Variants in MAP3K5 observed in about 807,000 individuals in gnomAD.
The protein encoded by MAP3K5 is ASK-1.
In MAP3K5, 56 loss-of-function variants were observed where a neutral mutation model predicts 158.7. The ratio of observed to expected loss-of-function variants is 0.35; its 90% CI spans 0.28 to 0.44. MAP3K5 has a LOEUF of 0.44. Among genes scored for constraint, MAP3K5 ranks in the 20% least tolerant of loss-of-function variants. The pLI is 1.00. For missense variants in MAP3K5, 1,294 were observed against 1,674.8 expected (o/e 0.77, Z 3.97); for synonymous variants, 579 against 601.7 (o/e 0.96, Z 0.55).
At chr6:136,776,657 C>T (rs966476301) in intron 1 of MAP3K5, among the ~76,000 whole-genome samples, 1 of 152,206 alleles carries the variant, frequency 6.6e-6, no homozygotes, top group Non-Finnish European at 1.5e-5. Flanking sequence ...TAAGCTCAAA[C>T]CTCCAACACC....
In MAP3K5 at chr6:136,791,845, G is replaced by A. The variant is rs1785089950; in HGVS notation, c.313C>T (p.Leu105=). The part of the protein sequence containing the change: ...YVINEASQGQ[L]VVAESEALQS... ...AGGGCCTCGCTCTCGGCCACCACCAGTTGCCCTTGGCTCGCTTCGTTGATC... is the reference window on the plus strand; with the variant it reads ...AGGGCCTCGCTCTCGGCCACCACCAATTGCCCTTGGCTCGCTTCGTTGATC... The change falls in exon 1 of 30, where the codon CTG becomes TTG. Residue 105 remains leucine, a synonymous_variant. Transcript: ENST00000359015. The A allele has an allele frequency of 3.7e-6, 6 of 1,613,884 alleles. No individual in the cohort carries two copies. Among genetic ancestry groups the A allele is most frequent in the Non-Finnish European group, 5.1e-6 (6 of 1,180,016 alleles).
In MAP3K5 at chr6:136,676,627, T is replaced by C. The variant is rs116004779; in HGVS notation, c.1254-7232A>G. ...GGAGAGTTTAACTTCCTCTGAAGAA[T>C]TGGTATATGATTTTTTTTTTCATTC... On this transcript the variant is annotated intron_variant, in intron 7 of 29. Coordinates refer to ENST00000359015, the MANE Select transcript of MAP3K5 (RefSeq NM_005923.4). 4.3e-3 allele frequency among the ~76,000 whole-genome samples: 656 copies of C among 152,214 alleles called. 2 individuals carry two copies. Among genetic ancestry groups the C allele is most frequent in the African/African-American group, 0.014 (572 of 41,536 alleles).
intron 1 of MAP3K5, among the ~76,000 whole-genome samples, chr6:136,746,136 A>C (rs1200529759): frequency 2.0e-5 from 3 of 152,182 alleles, no homozygotes; most frequent in Non-Finnish European, 4.4e-5. Flanking sequence ...TAATATCTTA[A>C]CTCTTGACTT....
chr6:136,595,630 T>C (rs1298872026), intron 21 of MAP3K5, among the ~76,000 whole-genome samples: 2 of 152,238 alleles, frequency 1.3e-5, no homozygotes, highest in Non-Finnish European at 2.9e-5. Flanking sequence ...ATCGTACTTA[T>C]ATTCTAAGAT....
At chr6:136,689,822 A>G (rs1190718027) in intron 7 of MAP3K5, among the ~76,000 whole-genome samples, 1 of 152,130 alleles carries the variant, frequency 6.6e-6, no homozygotes, top group East Asian at 1.9e-4. Context: ...AGTCTCTTGT[A>G]TTCTGTTTTG....
chr6:136,671,550 T>C (rs1248294967), intron 7 of MAP3K5, among the ~76,000 whole-genome samples: 1 of 152,214 alleles, frequency 6.6e-6, no homozygotes, highest in African/African-American at 2.4e-5. Context: ...TCTCCCATAC[T>C]GTAAAAGCAA....
intron 12 of MAP3K5, among the ~76,000 whole-genome samples, 200 bp downstream of exon 12, chr6:136,642,320 A>G (rs1319623090): frequency 3.3e-5 from 5 of 152,200 alleles, no homozygotes; most frequent in Non-Finnish European, 5.9e-5. Flanking sequence ...GCACAGAATC[A>G]GTTCAACCAG....
intron 1 of MAP3K5, among the ~76,000 whole-genome samples, chr6:136,738,785 C>T (rs1184797946): frequency 6.6e-6 from 1 of 152,160 alleles, no homozygotes; most frequent in African/African-American, 2.4e-5. Context: ...GAACAGACGG[C>T]TGATGGCCTA....
chr6:136,724,910 C>T (rs1158760409), intron 1 of MAP3K5, among the ~76,000 whole-genome samples: 2 of 152,190 alleles, frequency 1.3e-5, no homozygotes, highest in Admixed American at 1.3e-4. Flanking sequence ...AAATCTCCCT[C>T]ATGCTGCCCT....
At chr6:136,576,595 C>T (rs1424260687) in intron 25 of MAP3K5, among the ~76,000 whole-genome samples, 2 of 152,150 alleles carry the variant, frequency 1.3e-5, no homozygotes, top group Non-Finnish European at 2.9e-5. Context: ...GGGTGAGACA[C>T]CATGCCCAAC....
rs1253429192 is a variant in MAP3K5 at position 136,625,128 on chromosome 6, C to T, written c.2017-2147G>A. ...GATTTTCAGTTTCATTAATCTAGGG[C>T]GGGAATTTGTCTGCTTTTTTTTTGG... On this transcript the variant is annotated intron_variant, in intron 14 of 29. Coordinates refer to ENST00000359015, the MANE Select transcript of MAP3K5 (RefSeq NM_005923.4). 8.6e-5 allele frequency among the ~76,000 whole-genome samples: 13 copies of T among 151,954 alleles called. No homozygotes were observed. In the East Asian group the frequency reaches 1.2e-3, roughly 14 times the overall value.
At chr6:136,698,408 G>T in intron 4 of MAP3K5, 81 bp downstream of exon 4, 3 of 1,185,690 alleles carry the variant, frequency 2.5e-6, no homozygotes, top group Non-Finnish European at 3.6e-6. Flanking sequence ...TATCTCAGGA[G>T]CACCTGATAT....
At chr6:136,629,820 C>CTCTG (rs1777246969) in intron 14 of MAP3K5, among the ~76,000 whole-genome samples, 1 of 150,544 alleles carries the variant, frequency 6.6e-6, no homozygotes, top group Non-Finnish European at 1.5e-5. Context: ...TAGAGTCTCA[C>CTCTG]TCTGTCGCCC....
chr6:136,705,438 G>T (rs1781031142), intron 2 of MAP3K5, among the ~76,000 whole-genome samples: 1 of 152,118 alleles, frequency 6.6e-6, no homozygotes, highest in Non-Finnish European at 1.5e-5. Context: ...AGGACTACAG[G>T]CCTACAGGTA....
At chr6:136,597,497 C>T (rs187258626) in intron 21 of MAP3K5, among the ~76,000 whole-genome samples, 14 of 152,308 alleles carry the variant, frequency 9.2e-5, no homozygotes, top group Non-Finnish European at 1.5e-4. Flanking sequence ...CCTAACTGGC[C>T]ATCCTGCCTC....
intron 1 of MAP3K5, among the ~76,000 whole-genome samples, chr6:136,761,281 C>T (rs1010916965): frequency 7.3e-5 from 9 of 122,640 alleles, no homozygotes; most frequent in Admixed American, 5.8e-4. Context: ...AAAATAGACC[C>T]TAACTTTAAA....
At chr6:136,716,365 T>C (rs996627756) in intron 2 of MAP3K5, among the ~76,000 whole-genome samples, 12 of 152,310 alleles carry the variant, frequency 7.9e-5, no homozygotes, top group Admixed American at 1.3e-4. Flanking sequence ...ATCTGGCACG[T>C]GCAGTCATGT....
intron 23 of MAP3K5, among the ~76,000 whole-genome samples, chr6:136,589,702 G>C (rs1483348770): frequency 6.6e-6 from 1 of 152,166 alleles, no homozygotes; most frequent in African/African-American, 2.4e-5. Context: ...ATCAGAAGAG[G>C]AAGAGACACC....
chr6:136,696,301 C>T (rs1345298713), intron 5 of MAP3K5, among the ~76,000 whole-genome samples: 1 of 152,036 alleles, frequency 6.6e-6, no homozygotes, highest in Admixed American at 6.6e-5. Context: ...ACTAAAAAAG[C>T]AAAAGAAACA....
Sources: allele counts gnomAD v4.1 joint callset (sites outside exome capture counted in the v4.1 genomes callset), GRCh38; gene constraint gnomAD v4.1.1; transcripts MANE v1.5; gene names NCBI Gene and HGNC (gene_info 2026-07-23, HGNC 2026-07-21).